RALY: variants seen among roughly 807,000 people sequenced by gnomAD.
The protein encoded by RALY is RALY heterogeneous nuclear ribonucleoprotein.
In RALY, 15 loss-of-function variants were observed where a neutral mutation model predicts 30.7. That is an observed-to-expected ratio of 0.49 (90% CI 0.33 to 0.75). The LOEUF (loss-of-function observed/expected upper bound fraction) is 0.75, where lower values mean the gene tolerates loss of function less well. Among genes scored for constraint, RALY ranks in the 30% least tolerant of loss-of-function variants. The pLI is 0.02. For synonymous variants in RALY, 177 were observed against 170.8 expected, an observed-to-expected ratio of 1.04 and a Z score of -0.28; for missense variants, 339 against 414.3, an observed-to-expected ratio of 0.82 and a Z score of 1.58.
intron 2 of RALY, among the ~76,000 whole-genome samples, chr20:34,056,247 C>T (rs748017421): frequency 5.3e-5 from 8 of 152,182 alleles, no homozygotes; most frequent in Admixed American, 1.3e-4. Flanking sequence ...TTTCCTTATG[C>T]TATTTCCTCT....
intron 2 of RALY, among the ~76,000 whole-genome samples, chr20:34,063,531 C>T (rs1278096519): frequency 1.3e-5 from 2 of 152,174 alleles, no homozygotes; most frequent in Non-Finnish European, 2.9e-5. Flanking sequence ...ATCAGGATTA[C>T]AAGAGATTAT....
rs2033891587 is a variant in RALY at position 34,076,786 on chromosome 20, A to G, written c.629A>G (p.Gln210Arg). 1 of 1,614,174 alleles carries G rather than the reference A, an allele frequency of 6.2e-7. No individual in the cohort carries two copies. Among genetic ancestry groups the G allele is most frequent in the Non-Finnish European group, 8.5e-7 (1 of 1,180,028 alleles). The change falls in exon 7 of 10, where the codon CAG becomes CGG. Residue 210 changes from glutamine (Q) to arginine (R), a missense_variant. Physicochemically the swap from Gln to Arg is conservative, Grantham distance 43. This residue lies in a region of RALY where 268 missense variants were observed against 280.6 expected (regional missense o/e 0.95). Coordinates refer to ENST00000246194, the MANE Select transcript of RALY (RefSeq NM_016732.3). ...NIDALLSRLE[Q>R]IAAEQKANPD... Reference sequence around the variant, plus strand: ...GATGCCCTGCTGAGCCGCTTGGAGCAGATCGCTGCGGAGCAAAAGGCCAAT... The same window carrying G: ...GATGCCCTGCTGAGCCGCTTGGAGCGGATCGCTGCGGAGCAAAAGGCCAAT...
chr20:34,029,955 A>G (rs1439723473), intron 1 of RALY: 2 of 152,216 alleles, frequency 1.3e-5, no homozygotes, highest in Non-Finnish European at 2.9e-5. Context: ...GGCCGTTGTT[A>G]TTATAGCTTT....
intron 2 of RALY, among the ~76,000 whole-genome samples, chr20:34,066,822 G>T (rs1241190295): frequency 6.6e-6 from 1 of 152,038 alleles, no homozygotes; most frequent in African/African-American, 2.4e-5. Flanking sequence ...ACACAGATTT[G>T]GTGGAGGAGG....
intron 3 of RALY, 129 bp downstream of exon 3, chr20:34,072,459 A>G (rs1346864005): frequency 2.1e-5 from 27 of 1,267,280 alleles, no homozygotes; most frequent in South Asian, 1.2e-4. Context: ...TTTATAAGCT[A>G]TGTTTAAGTT....
At chr20:34,005,237 G>A (rs1361692888) in intron 1 of RALY, among the ~76,000 whole-genome samples, 4 of 152,144 alleles carry the variant, frequency 2.6e-5, no homozygotes, top group African/African-American at 9.7e-5. Context: ...TGGGCTGGGT[G>A]CAGTGGCTCA....
intron 2 of RALY, among the ~76,000 whole-genome samples, chr20:34,040,452 C>T (rs779305846): frequency 4.6e-5 from 7 of 152,264 alleles, no homozygotes; most frequent in Non-Finnish European, 5.9e-5. Flanking sequence ...GTTTGATTTG[C>T]TTTGGCTGGT....
Position 34,063,397 on chromosome 20 carries a change from C to T in RALY, c.-9-8669C>T, listed in dbSNP as rs2123222578. 1.3e-5 allele frequency among the ~76,000 whole-genome samples: 2 copies of T among 152,290 alleles called. 1 individual carries two copies. The highest frequency in any genetic ancestry group is 6.8e-3 in the Middle Eastern group (2 of 294). On this transcript the variant is annotated intron_variant, in intron 2 of 9. Coordinates refer to ENST00000246194, the MANE Select transcript of RALY (RefSeq NM_016732.3). ...GAATAACACAGGCTTTAGAATCAGA[C>T]AAGCCCTTGGGTCTTTCGGTCCAAA...
chr20:34,054,245 T>C (rs1407509370), intron 2 of RALY, among the ~76,000 whole-genome samples: 1 of 152,206 alleles, frequency 6.6e-6, no homozygotes, highest in Non-Finnish European at 1.5e-5. Flanking sequence ...GAAATTTCAC[T>C]GGTTGCTAGT....
chr20:33,995,049 C>T (rs900158234), intron 1 of RALY, among the ~76,000 whole-genome samples: 1 of 152,146 alleles, frequency 6.6e-6, no homozygotes, highest in East Asian at 1.9e-4. Flanking sequence ...CATGTATCAT[C>T]TCTTAGTGCA....
intron 1 of RALY, among the ~76,000 whole-genome samples, chr20:34,028,734 A>AAC (rs71192792): frequency 6.9e-6 from 1 of 144,328 alleles, no homozygotes; most frequent in African/African-American, 2.7e-5. Context: ...AAAAAAAAAA[A>AAC]CATGGCAGAG....
At chr20:34,042,049 G>T (rs960998176) in intron 2 of RALY, among the ~76,000 whole-genome samples, 24 of 152,182 alleles carry the variant, frequency 1.6e-4, no homozygotes, top group African/African-American at 1.9e-4. Flanking sequence ...ATCCCGGCGG[G>T]TGGAGGTTGC....
At position 34,077,071 on chromosome 20, in the gene RALY, C is replaced by A; in HGVS notation, c.702C>A (p.Gly234=). Reference sequence around the variant, plus strand: ...ATGGAGGTGGCGCCGGCGGCGGCGGCGGTGGTGGTGGCAGCGGTGGCGGTG... The same window carrying A: ...ATGGAGGTGGCGCCGGCGGCGGCGGAGGTGGTGGTGGCAGCGGTGGCGGTG... The part of the protein sequence containing the change: ...KGDGGGAGGG[G]GGGGSGGGGS... The change falls in exon 8 of 10, where the codon GGC becomes GGA. Residue 234 remains glycine (G), a synonymous_variant. Coordinates refer to ENST00000246194, the MANE Select transcript of RALY (RefSeq NM_016732.3). The A allele has an allele frequency of 1.3e-6, 2 of 1,597,694 alleles. No homozygotes were observed. The highest frequency in any genetic ancestry group is 1.7e-6 in the Non-Finnish European group (2 of 1,171,194).
rs767416192 is a variant in RALY, at chr20:34,072,381, T to C, written c.256+51T>C. 5 of 1,566,838 alleles carry C rather than the reference T, an allele frequency of 3.2e-6. No homozygotes were observed. The South Asian group carries it at 5.8e-5, about 18-fold the overall frequency. On this transcript the variant is annotated intron_variant, in intron 3 of 9. Coordinates refer to ENST00000246194, the MANE Select transcript of RALY (RefSeq NM_016732.3). The stretch of plus-strand genomic sequence containing the variant: ...CTAGTATTCTCTAGAATAGCTGCTA[T>C]CACTATCCAGTTCTCAACCCCCTTC...
chr20:34,000,676 G>T (rs1412203784), intron 1 of RALY, among the ~76,000 whole-genome samples: 1 of 152,148 alleles, frequency 6.6e-6, no homozygotes, highest in Non-Finnish European at 1.5e-5. Flanking sequence ...CTCTATTCTG[G>T]GGTTGGGGTA....
At chr20:34,045,854 A>G (rs934236590) in intron 2 of RALY, among the ~76,000 whole-genome samples, 5 of 152,182 alleles carry the variant, frequency 3.3e-5, no homozygotes, top group African/African-American at 1.2e-4. Context: ...GCTCAAGGCT[A>G]CTTACCTAGT....
intron 2 of RALY, among the ~76,000 whole-genome samples, chr20:34,036,178 G>C (rs1303352932): frequency 6.6e-6 from 1 of 152,030 alleles, no homozygotes; most frequent in Non-Finnish European, 1.5e-5. Context: ...GTACCAGCTG[G>C]GATCTCTAGT....
chr20:33,997,037 C>T (rs2030667098), intron 1 of RALY, among the ~76,000 whole-genome samples: 1 of 152,204 alleles, frequency 6.6e-6, no homozygotes, highest in African/African-American at 2.4e-5. Context: ...CTACTTTTCT[C>T]CCCCTTAGGT....
At chr20:34,070,757 G>C (rs1266598564) in intron 2 of RALY, among the ~76,000 whole-genome samples, 1 of 152,090 alleles carries the variant, frequency 6.6e-6, no homozygotes, top group Non-Finnish European at 1.5e-5. Context: ...TGGGATCTTG[G>C]GATTATTCAG....
Sources: gnomAD v4.1 joint callset for allele counts (sites outside exome capture counted in the v4.1 genomes callset) on GRCh38, gnomAD v4.1.1 for gene constraint, gnomAD v4.1.1 regional missense constraint, MANE v1.5 for transcripts, NCBI Gene and HGNC (gene_info 2026-07-23, HGNC 2026-07-21) for gene names.